RGSL1: variants seen among roughly 807,000 people sequenced by gnomAD.
RGSL1 encodes regulator of G protein signaling like 1.
Under a neutral mutation model 124.7 loss-of-function variants are expected in RGSL1, and 97 were observed. That is an observed-to-expected ratio of 0.78 (90% CI 0.66 to 0.92). The LOEUF is 0.92. Among genes scored for constraint, RGSL1 ranks in the 40% least tolerant of loss-of-function variants. The probability of loss-of-function intolerance (pLI) is 0.00; values close to 1 mark genes in which losing one functional copy is unlikely to be tolerated. For missense variants in RGSL1, 1,233 were observed against 1,288.4 expected, an observed-to-expected ratio of 0.96 and a Z score of 0.66; for synonymous variants, 424 against 438.1, an observed-to-expected ratio of 0.97 and a Z score of 0.40.
At chr1:182,553,587 AG>A in intron 19 of RGSL1, 46 bp downstream of exon 19, 1 of 1,509,490 alleles carries the variant, frequency 6.6e-7, no homozygotes, top group Non-Finnish European at 9.0e-7. Flanking sequence ...ACTCAATCAG[AG>A]GGGGACTTTA....
At chr1:182,522,850 C>A (rs1319086577) in intron 10 of RGSL1, among the ~76,000 whole-genome samples, 4 of 152,106 alleles carry the variant, frequency 2.6e-5, no homozygotes, top group Non-Finnish European at 1.5e-5. Flanking sequence ...TAGGCCATGG[C>A]ATTCACTTAC....
intron 7 of RGSL1, chr1:182,488,583 G>A (rs775920035): frequency 1.9e-5 from 9 of 461,544 alleles, no homozygotes; most frequent in Admixed American, 7.2e-5. Flanking sequence ...AAAATTAGCC[G>A]GGCGTAGTGG....
intron 13 of RGSL1, among the ~76,000 whole-genome samples, chr1:182,532,160 T>A (rs1025160097): frequency 4.6e-5 from 7 of 152,040 alleles, no homozygotes; most frequent in African/African-American, 1.7e-4. Context: ...AAAAAACAGA[T>A]GAGGAAACTT....
At chr1:182,504,417 C>CTGGACTTCTCA (rs1273145072) in intron 9 of RGSL1, among the ~76,000 whole-genome samples, 2 of 148,314 alleles carry the variant, frequency 1.3e-5, no homozygotes, top group Non-Finnish European at 1.5e-5. Context: ...AGTACAATGG[C>CTGGACTTCTCA]TGGACTTCTC....
intron 9 of RGSL1, among the ~76,000 whole-genome samples, chr1:182,502,079 A>G (rs1656428248): frequency 6.6e-6 from 1 of 152,126 alleles, no homozygotes; most frequent in Non-Finnish European, 1.5e-5. Flanking sequence ...TAATGTCTTC[A>G]CTTTTATTTC....
At chr1:182,485,338 T>A (rs916340957) in intron 6 of RGSL1, among the ~76,000 whole-genome samples, 1 of 152,210 alleles carries the variant, frequency 6.6e-6, no homozygotes, top group Non-Finnish European at 1.5e-5. Context: ...ACTTTCCTTT[T>A]GTTATTTTAA....
rs1259882538 is a variant in RGSL1 at position 182,540,367 on chromosome 1, T to C, written c.2615T>C (p.Ile872Thr). The C allele has an allele frequency of 1.3e-6, 2 of 1,551,326 alleles. No homozygotes were observed. The highest frequency in any genetic ancestry group is 2.0e-5 in the Admixed American group (1 of 50,972). Residue 872 changes from isoleucine (I) to threonine (T), a missense_variant, in exon 15 of 22, where the codon ATT becomes ACT. Transcript: ENST00000294854. ...AAGCGTCGTATATTTGGCCACAGGA[T>C]TATCACTGTCAACTTTGCGATCAAT... ...LVKRRIFGHR[I>T]ITVNFAINDL...
At chr1:182,513,333 C>T (rs547839369) in intron 9 of RGSL1, among the ~76,000 whole-genome samples, 26 of 152,220 alleles carry the variant, frequency 1.7e-4, no homozygotes, top group Admixed American at 4.6e-4. Flanking sequence ...CTCTGGTTGC[C>T]TGACCATTTG....
In RGSL1 at chr1:182,455,805, C is replaced by A. The variant is rs571843590; in HGVS notation, c.96+1765C>A. 5.9e-5 allele frequency among the ~76,000 whole-genome samples: 9 copies of A among 152,310 alleles called. No individual in the cohort carries two copies. In the East Asian group the frequency reaches 1.7e-3, roughly 29 times the overall value. ...AGCTGCACAGGCAGGCTGCGCCAAGCCCTGGAGATCAGGCAAACTATGCCT... is the reference window on the plus strand; with the variant it reads ...AGCTGCACAGGCAGGCTGCGCCAAGACCTGGAGATCAGGCAAACTATGCCT... On this transcript the variant is annotated intron_variant, in intron 2 of 21. Coordinates refer to ENST00000294854, the MANE Select transcript of RGSL1 (RefSeq NM_001137669.2).
At position 182,474,041 on chromosome 1, in the gene RGSL1, G is replaced by T; in HGVS notation, c.930G>T (p.Lys310Asn). The T allele has an allele frequency of 3.9e-6, 6 of 1,551,792 alleles. No individual in the cohort carries two copies. The highest frequency in any genetic ancestry group is 5.2e-6 in the Non-Finnish European group (6 of 1,147,000). The change falls in exon 6 of 22, where the codon AAG becomes AAT. Residue 310 changes from lysine to asparagine, a missense_variant. Transcript: ENST00000294854. ...AAACAAGAATCAGTTCCCTGGAAAA[G>T]GATATGCATTATGCAAAAATATCCA... ...SKETRISSLE[K>N]DMHYAKISSM...
At chr1:182,492,764 G>A (rs1171151340) in intron 8 of RGSL1, among the ~76,000 whole-genome samples, 1 of 151,896 alleles carries the variant, frequency 6.6e-6, no homozygotes, top group African/African-American at 2.4e-5. Context: ...AAGTAGCTGG[G>A]ACCACAGGCG....
At chr1:182,560,094 C>T (rs1661087517) in intron 21 of RGSL1, among the ~76,000 whole-genome samples, 185 bp from the exon 22 acceptor site, 2 of 152,208 alleles carry the variant, frequency 1.3e-5, no homozygotes, top group African/African-American at 4.8e-5. Context: ...GTGGAGAAAA[C>T]AGAATGTGAA....
intron 4 of RGSL1, among the ~76,000 whole-genome samples, chr1:182,464,667 T>C (rs1653129507): frequency 6.7e-6 from 1 of 150,358 alleles, no homozygotes; most frequent in Admixed American, 6.7e-5. Context: ...GAGGTTGCAG[T>C]GAGCCATGAT....
chr1:182,500,829 T>C (rs1369952095), intron 9 of RGSL1, among the ~76,000 whole-genome samples: 1 of 152,258 alleles, frequency 6.6e-6, no homozygotes, highest in Non-Finnish European at 1.5e-5. Flanking sequence ...TTATTGCATA[T>C]TGAATTTGTA....
At chr1:182,528,118 C>G (rs865885146) in intron 11 of RGSL1, among the ~76,000 whole-genome samples, 1 of 152,030 alleles carries the variant, frequency 6.6e-6, no homozygotes, top group Admixed American at 6.6e-5. Context: ...CTTCATGGAG[C>G]AGCAAGAGAG....
At chr1:182,529,053 C>T (rs1321113684) in intron 11 of RGSL1, among the ~76,000 whole-genome samples, 3 of 152,132 alleles carry the variant, frequency 2.0e-5, no homozygotes, top group Non-Finnish European at 4.4e-5. Context: ...TCCACCTGGT[C>T]CTGCCCTTGA....
At chr1:182,551,861 A>G (rs557872376) in intron 18 of RGSL1, among the ~76,000 whole-genome samples, 2 of 152,160 alleles carry the variant, frequency 1.3e-5, no homozygotes, top group South Asian at 4.1e-4. Context: ...TGCTTTTTCT[A>G]TGTTTAGATA....
chr1:182,490,695 AG>A (rs1210009721), intron 8 of RGSL1, among the ~76,000 whole-genome samples: 2 of 152,216 alleles, frequency 1.3e-5, no homozygotes, highest in African/African-American at 2.4e-5. Flanking sequence ...ATGGGACACA[AG>A]GGATAGCCAG....
intron 4 of RGSL1, chr1:182,471,446 C>T (rs1653834149): frequency 4.5e-6 from 2 of 441,068 alleles, no homozygotes; most frequent in African/African-American, 2.0e-5. Context: ...TCAGATTGCC[C>T]TAAGCCCCAG....
Sources: allele counts gnomAD v4.1 joint callset (sites outside exome capture counted in the v4.1 genomes callset), GRCh38; gene constraint gnomAD v4.1.1; transcripts MANE v1.5; gene names NCBI Gene and HGNC (gene_info 2026-07-23, HGNC 2026-07-21).